SMARCE1: variants seen among roughly 807,000 people sequenced by gnomAD.
SMARCE1 encodes SWI/SNF related BAF chromatin remodeling complex subunit E1.
SMARCE1 carries 13 observed loss-of-function variants against 54.9 expected under a neutral mutation model. The ratio of observed to expected loss-of-function variants is 0.24; its 90% CI spans 0.15 to 0.38. SMARCE1 has a LOEUF of 0.38. SMARCE1 is among the 10% of genes least tolerant of loss of function. SMARCE1 has a pLI of 1.00. For missense variants in SMARCE1, 295 were observed against 523.8 expected (o/e 0.56, Z 4.26); for synonymous variants, 151 against 175.3 (o/e 0.86, Z 1.10).
At chr17:40,647,200 T>C (rs2037266457) in intron 1 of SMARCE1, 1 of 152,250 alleles carries the variant, frequency 6.6e-6, no homozygotes, top group Non-Finnish European at 1.5e-5. Context: ...AAATACTTTA[T>C]ACGGGGTACG....
At chr17:40,632,584 T>G in intron 7 of SMARCE1, 3 of 489,296 alleles carry the variant, frequency 6.1e-6, no homozygotes, top group Non-Finnish European at 1.1e-5. Context: ...CTCACAGTCT[T>G]TAAGTGATAA....
At position 40,642,351 on chromosome 17, in the gene SMARCE1, T is replaced by G; in HGVS notation, c.156+104A>C. 1 of 792,684 alleles carries G rather than the reference T, an allele frequency of 1.3e-6. No homozygotes were observed. The highest frequency in any genetic ancestry group is 2.3e-6 in the Non-Finnish European group (1 of 442,732). The allele number at this position is 792,684 out of a possible 1,614,324, so 49.1% of individuals were successfully genotyped here. On this transcript the variant is annotated intron_variant, in intron 4 of 10. Transcript: ENST00000348513. This position sits in a 1 kb window ranked among gnomAD's most constrained non-coding sequence, Gnocchi z 4.6. ...TACTCAAAAAGCTAGGTTAAAAAAT[T>G]TTTTTTAAATGGCTGTGCTTATGAT...
chr17:40,628,966 T>C lies in SMARCE1; in HGVS notation c.1055A>G (p.Glu352Gly), dbSNP rs1198138077. The change falls in exon 11 of 11, where the codon GAG becomes GGG. Residue 352 changes from glutamate (E) to glycine (G), a missense_variant. Physicochemically the swap from Glu to Gly is moderately conservative, Grantham distance 98. Around this residue, in one of 5 missense-constraint regions of SMARCE1, gnomAD observed 147 missense variants for 161.4 expected, o/e 0.91. Coordinates refer to ENST00000348513, the MANE Select transcript of SMARCE1 (RefSeq NM_003079.5). ...TEETHLEETT[E>G]SQQNGEEGTS... ...GCCTTCTTCACCATTCTGTTGGCTC[T>C]CTGTTGTTTCTTCAAGGTGTGTCTC... 3 of 1,613,740 alleles carry C rather than the reference T, an allele frequency of 1.9e-6. No individual in the cohort carries two copies. The East Asian group carries it at 6.7e-5, about 36-fold the overall frequency.
At position 40,627,808 on chromosome 17, in the gene SMARCE1, G is replaced by A. The variant is rs1345476865; in HGVS notation, c.*977C>T. On this transcript the variant is annotated 3_prime_UTR_variant, in exon 11 of 11. Coordinates refer to ENST00000348513, the MANE Select transcript of SMARCE1 (RefSeq NM_003079.5). ...AAAAATCTATTCTAGTTTTTGGGAA[G>A]CTTATGTGTCACAAACTATCTTGCT... The A allele has an allele frequency of 6.6e-6, 1 of 152,498 alleles. No individual in the cohort carries two copies. The highest frequency in any genetic ancestry group is 2.4e-5 in the African/African-American group (1 of 41,394). The allele number at this position is 152,498 out of a possible 1,614,324, so 9.4% of individuals were successfully genotyped here. A position where few individuals can be genotyped will look rare whatever the true frequency, so the allele number is the denominator to read the frequency against.
chr17:40,636,634 T>C, intron 5 of SMARCE1, 108 bp from the exon 6 acceptor site: 1 of 867,184 alleles, frequency 1.2e-6, no homozygotes, highest in Non-Finnish European at 1.8e-6. Flanking sequence ...GAGAAAACAG[T>C]ATCAAATTTC....
intron 1 of SMARCE1, among the ~76,000 whole-genome samples, chr17:40,646,875 G>T (rs1220818424): frequency 6.6e-6 from 1 of 152,068 alleles, no homozygotes; most frequent in Non-Finnish European, 1.5e-5. Context: ...GGTGTGGAAA[G>T]AAACAGCTCA....
intron 8 of SMARCE1, 139 bp downstream of exon 8, chr17:40,632,056 C>A: frequency 1.5e-6 from 1 of 683,302 alleles, no homozygotes; most frequent in Non-Finnish European, 2.5e-6. Flanking sequence ...AGGTCCACTT[C>A]CTTAAACCTC....
intron 7 of SMARCE1, chr17:40,634,689 G>C (rs1275380451): frequency 2.0e-5 from 3 of 152,194 alleles, no homozygotes; most frequent in African/African-American, 7.2e-5. Flanking sequence ...GTTTCTGAGT[G>C]AATCTCTTTA....
intron 4 of SMARCE1, among the ~76,000 whole-genome samples, chr17:40,639,781 CT>C: frequency 6.6e-6 from 1 of 152,266 alleles, no homozygotes; most frequent in Admixed American, 6.5e-5. Context: ...TTAAACATTT[CT>C]TTAAAAAAAG....
At chr17:40,639,236 A>G (rs543639220) in intron 4 of SMARCE1, among the ~76,000 whole-genome samples, 19 of 152,326 alleles carry the variant, frequency 1.2e-4, no homozygotes, top group South Asian at 4.1e-4. Context: ...GAGAATTCCT[A>G]TAAGACTAAC....
intron 3 of SMARCE1, chr17:40,644,970 C>A (rs892157720): frequency 2.6e-5 from 4 of 152,168 alleles, no homozygotes; most frequent in Non-Finnish European, 5.9e-5. Flanking sequence ...CAAGCTGGGC[C>A]AGAGCTTCCT....
chr17:40,646,201 C>T (rs973835941), intron 1 of SMARCE1, among the ~76,000 whole-genome samples: 11 of 152,122 alleles, frequency 7.2e-5, no homozygotes, highest in African/African-American at 2.4e-4. Context: ...CAGGGTCCAA[C>T]GCAACAAGGC....
At chr17:40,637,399 A>G (rs774104808) in intron 5 of SMARCE1, 93 bp downstream of exon 5, 28 of 1,037,152 alleles carry the variant, frequency 2.7e-5, no homozygotes, top group Non-Finnish European at 3.7e-5. Flanking sequence ...GAATATGCAC[A>G]GAAAAGCTGG....
Position 40,632,124 on chromosome 17 carries a change from T to C in SMARCE1, c.714+71A>G, listed in dbSNP as rs542526804. Reference sequence around the variant, plus strand: ...ATTTAACAGGTAGATTTAGGCATGGTGTAGGAATCATATCACCTGGGATTT... The same window carrying C: ...ATTTAACAGGTAGATTTAGGCATGGCGTAGGAATCATATCACCTGGGATTT... On this transcript the variant is annotated intron_variant, in intron 8 of 10. Transcript: ENST00000348513. The C allele has an allele frequency of 3.4e-6, 4 of 1,186,796 alleles. No individual in the cohort carries two copies. The East Asian group carries it at 7.0e-5, about 21-fold the overall frequency. 73.5% of individuals were successfully genotyped at this position (1,186,796 alleles called of 1,614,324 possible). A position where few individuals can be genotyped will look rare whatever the true frequency, so the allele number is the denominator to read the frequency against.
rs202002074 is a variant in SMARCE1, at chr17:40,632,423, G to GTT, written c.542-57_542-56insAA. 1.7e-4 allele frequency: 254 copies of GTT among 1,490,464 alleles called. No homozygotes were observed. The African/African-American group carries it at 2.9e-3, about 17-fold the overall frequency. The allele number at this position is 1,490,464 out of a possible 1,614,324, so 92.3% of individuals were successfully genotyped here. On this transcript the variant is annotated intron_variant, in intron 7 of 10. Transcript: ENST00000348513. Reference sequence around the variant, plus strand: ...GTCACCAGTAACCATAAAAAGGAGTGTAACAATGTTAACACTTAATTACCA... The same window carrying GTT: ...GTCACCAGTAACCATAAAAAGGAGTGTTTAACAATGTTAACACTTAATTACCA...
At chr17:40,638,230 A>G (rs957450267) in intron 4 of SMARCE1, among the ~76,000 whole-genome samples, 2 of 152,184 alleles carry the variant, frequency 1.3e-5, no homozygotes, top group African/African-American at 2.4e-5. Flanking sequence ...AGTCCTAATC[A>G]CAGTGTAAAA....
intron 5 of SMARCE1, 27 bp from the exon 6 acceptor site, chr17:40,636,553 A>G: frequency 6.3e-7 from 1 of 1,584,824 alleles, no homozygotes; most frequent in Non-Finnish European, 8.7e-7. Flanking sequence ...ATGAAATGTT[A>G]ATACTGATGT....
In SMARCE1 at chr17:40,645,442, G is replaced by A. The variant is rs190494164; in HGVS notation, c.51+134C>T. 3.2e-5 allele frequency: 17 copies of A among 532,226 alleles called. No individual in the cohort carries two copies. The East Asian group carries it at 3.4e-4, about 11-fold the overall frequency. 33.0% of individuals were successfully genotyped at this position (532,226 alleles called of 1,614,324 possible). ...ATAATTATTTTATTTAGTAGGAAGT[G>A]CTTTTTTTTTTTTCTTTTAAGCTGA... On this transcript the variant is annotated intron_variant, in intron 3 of 10. Transcript: ENST00000348513.
Position 40,628,656 on chromosome 17 carries a change from T to C in SMARCE1, c.*129A>G. The C allele has an allele frequency of 1.5e-6, 1 of 679,296 alleles. No individual in the cohort carries two copies. Among genetic ancestry groups the C allele is most frequent in the East Asian group, 2.7e-5 (1 of 37,382 alleles). The allele number at this position is 679,296 out of a possible 1,614,324, so 42.1% of individuals were successfully genotyped here. ...CCATTAGGCTCATGATGCTAAATGG[T>C]CCAAAAGCCTTTGGTGGTGTGATAT... On this transcript the variant is annotated 3_prime_UTR_variant, in exon 11 of 11. Coordinates refer to ENST00000348513, the MANE Select transcript of SMARCE1 (RefSeq NM_003079.5).
Sources: allele counts gnomAD v4.1 joint callset (sites outside exome capture counted in the v4.1 genomes callset), GRCh38; gene constraint gnomAD v4.1.1; regional missense constraint gnomAD v4.1.1; non-coding constraint Gnocchi (gnomAD v3.1); transcripts MANE v1.5; gene names NCBI Gene and HGNC (gene_info 2026-07-23, HGNC 2026-07-21).